Variants in DRC8 observed in about 807,000 individuals in gnomAD.
The protein encoded by DRC8 is dynein regulatory complex subunit 8, also known as dynein regulatory complex protein 8.
the DRC8 span, among the ~76,000 whole-genome samples, chr1:245,100,251 G>A: frequency 2.6e-5 from 4 of 152,170 alleles, no homozygotes; most frequent in East Asian, 1.9e-4. Flanking sequence ...TGGACATAGC[G>A]GCATGTGCCT....
At chr1:245,092,448 C>A in the DRC8 span, among the ~76,000 whole-genome samples, 2 of 152,216 alleles carry the variant, frequency 1.3e-5, no homozygotes, top group African/African-American at 2.4e-5. Context: ...AGATCAGTGT[C>A]ACTACCTTAC....
chr1:245,095,723 A>G, the DRC8 span, among the ~76,000 whole-genome samples: 13 of 152,236 alleles, frequency 8.5e-5, no homozygotes, highest in African/African-American at 2.9e-4. Context: ...TAATTTAAAT[A>G]ATTTTCAGTT....
At chr1:245,091,523 A>T in the DRC8 span, 3 of 152,214 alleles carry the variant, frequency 2.0e-5, no homozygotes, top group African/African-American at 7.2e-5. Context: ...GCAGTAGAGG[A>T]AGCTTGCGTC....
At chr1:245,112,800 C>T in the DRC8 span, among the ~76,000 whole-genome samples, 1 of 151,188 alleles carries the variant, frequency 6.6e-6, no homozygotes, top group African/African-American at 2.4e-5. Context: ...GTCACCCAGG[C>T]TGGAGTGCAG....
the DRC8 span, among the ~76,000 whole-genome samples, chr1:245,115,026 G>A: frequency 6.6e-6 from 1 of 150,764 alleles, no homozygotes; most frequent in Admixed American, 6.6e-5. Flanking sequence ...CCCCAGCTGA[G>A]ATTTAAATTA....
the DRC8 span, among the ~76,000 whole-genome samples, chr1:244,993,874 C>T: frequency 6.6e-6 from 1 of 152,190 alleles, no homozygotes; most frequent in African/African-American, 2.4e-5. Context: ...GGCCTAATCA[C>T]CTCTTAAGCT....
the DRC8 span, among the ~76,000 whole-genome samples, chr1:245,121,133 G>T: frequency 1.3e-5 from 2 of 152,180 alleles, no homozygotes; most frequent in Non-Finnish European, 2.9e-5. Flanking sequence ...TGTTATGTAG[G>T]CAGAATTTTC....
At chr1:245,078,868 G>C in the DRC8 span, among the ~76,000 whole-genome samples, 8 of 152,284 alleles carry the variant, frequency 5.3e-5, no homozygotes, top group South Asian at 8.3e-4. Context: ...TAATTAGCCT[G>C]TGTGGTAATC....
the DRC8 span, among the ~76,000 whole-genome samples, chr1:245,084,279 A>G: frequency 6.6e-6 from 1 of 151,788 alleles, no homozygotes; most frequent in Admixed American, 6.6e-5. Context: ...GATGGGTTTC[A>G]CCATGTTGGC....
At chr1:245,010,018 G>A in the DRC8 span, among the ~76,000 whole-genome samples, 3 of 151,900 alleles carry the variant, frequency 2.0e-5, no homozygotes, top group South Asian at 6.2e-4. Context: ...GCGCCACCAC[G>A]TCCAGCTAAT....
chr1:245,013,833 C>T, the DRC8 span, among the ~76,000 whole-genome samples: 2 of 151,694 alleles, frequency 1.3e-5, no homozygotes, highest in African/African-American at 4.8e-5. Context: ...GAGTTTGAGA[C>T]CAGTCTGACC....
the DRC8 span, among the ~76,000 whole-genome samples, chr1:245,015,965 C>CTTTTTTTT: frequency 4.2e-3 from 241 of 57,200 alleles, 8 homozygotes; most frequent in Non-Finnish European, 5.7e-3. Flanking sequence ...GCCTACAGGG[C>CTTTTTTTT]TTTTTTTTTT....
chr1:245,012,619 C>A, the DRC8 span, among the ~76,000 whole-genome samples: 1 of 151,922 alleles, frequency 6.6e-6, no homozygotes, highest in East Asian at 1.9e-4. Flanking sequence ...CCATAAAATA[C>A]TCAGGCATCA....
chr1:245,080,106 T>C, the DRC8 span, among the ~76,000 whole-genome samples: 1,011 of 152,334 alleles, frequency 6.6e-3, 15 homozygotes, highest in African/African-American at 0.023. Flanking sequence ...ATTTGGATGA[T>C]GGTGTGTTCC....
At chr1:245,105,864 G>A in the DRC8 span, among the ~76,000 whole-genome samples, 2 of 151,928 alleles carry the variant, frequency 1.3e-5, no homozygotes, top group African/African-American at 4.8e-5. Flanking sequence ...TTCACCTGAG[G>A]CCAGGAGTTT....
At chr1:245,017,214 T>G in the DRC8 span, 8 of 1,578,324 alleles carry the variant, frequency 5.1e-6, no homozygotes, top group Non-Finnish European at 6.0e-6. Flanking sequence ...TAAAGTAAAC[T>G]AATTTTTATT....
chr1:245,120,326 G>A, the DRC8 span, among the ~76,000 whole-genome samples: 4 of 152,046 alleles, frequency 2.6e-5, no homozygotes, highest in East Asian at 3.9e-4. Context: ...GGTCCCATAC[G>A]CTCAGTTCCT....
At chr1:245,070,710 A>T in the DRC8 span, among the ~76,000 whole-genome samples, 1 of 152,064 alleles carries the variant, frequency 6.6e-6, no homozygotes, top group Non-Finnish European at 1.5e-5. Context: ...TATCTCTTTT[A>T]TTCAGTAAAA....
the DRC8 span, chr1:245,017,264 C>CA: frequency 1.9e-6 from 3 of 1,607,328 alleles, no homozygotes; most frequent in South Asian, 2.2e-5. Context: ...CAGAATTTCA[C>CA]AAAAAAATCA....
Sources: gnomAD v4.1 joint callset for allele counts (sites outside exome capture counted in the v4.1 genomes callset) on GRCh38, gnomAD v4.1.1 for gene constraint, MANE v1.5 for transcripts, NCBI Gene and HGNC (gene_info 2026-07-23, HGNC 2026-07-21) for gene names.